Variants in HDHD5 observed in about 807,000 individuals in gnomAD.
HDHD5 encodes the protein haloacid dehalogenase like hydrolase domain containing 5, also known as haloacid dehalogenase-like hydrolase domain-containing 5.
Under a neutral mutation model 35.5 loss-of-function variants are expected in HDHD5, and 34 were observed. The observed-to-expected ratio is 0.96, with a 90% confidence interval of 0.73 to 1.28. The LOEUF (loss-of-function observed/expected upper bound fraction) is 1.28. Among genes scored for constraint, HDHD5 ranks in the 50% most tolerant of loss-of-function variants. HDHD5 has a pLI of 0.00. For missense variants in HDHD5, 589 were observed against 560.2 expected (o/e 1.05, Z -0.52); for synonymous variants, 248 against 240.6 (o/e 1.03, Z -0.29).
At chr22:17,152,023 T>A (rs1461658254) in intron 1 of HDHD5, among the ~76,000 whole-genome samples, 1 of 152,122 alleles carries the variant, frequency 6.6e-6, no homozygotes, top group Non-Finnish European at 1.5e-5. Flanking sequence ...CCAGACTAGA[T>A]GAGTGGTTCC....
Position 17,138,726 on chromosome 22 carries a change from G to A in HDHD5, c.759C>T (p.Gly253=). ...AEAKMPRFGH[G]TFLLCLETIY... ...TGGTTTCCAGGCACAGCAGAAAGGT[G>A]CCATGTCCAAACCTGCCAGAAACGA... The change falls in exon 7 of 8, where the codon GGC becomes GGT. Residue 253 remains glycine, a synonymous_variant. Coordinates refer to ENST00000336737, the MANE Select transcript of HDHD5 (RefSeq NM_033070.3). 2 of 1,614,190 alleles carry A rather than the reference G, an allele frequency of 1.2e-6. No individual in the cohort carries two copies. Among genetic ancestry groups the A allele is most frequent in the Non-Finnish European group, 1.7e-6 (2 of 1,180,038 alleles).
rs200356314 is a variant in HDHD5, at chr22:17,138,133, C to G, written c.1160G>C (p.Gly387Ala). Residue 387 changes from glycine (G) to alanine (A), a missense_variant, in exon 8 of 8, where the codon GGG becomes GCG. Coordinates refer to ENST00000336737, the MANE Select transcript of HDHD5 (RefSeq NM_033070.3). ...VLGGGEPPFH[G>A]HRDLCFSPGL... ...TGGACTGAAGCATAAGTCTCGGTGC[C>G]CGTGGAATGGAGGCTCCCCTCCTCC... The G allele has an allele frequency of 6.2e-7, 1 of 1,614,170 alleles. No homozygotes were observed. Among genetic ancestry groups the G allele is most frequent in the South Asian group, 1.1e-5 (1 of 91,070 alleles).
rs574418631 is a variant in HDHD5, at chr22:17,165,035, T to C, written c.36+174A>G. ...CTCTCTCTTTCTATCTCTCTCCATC[T>C]CTCTCATCACACACATACACACTCA... On this transcript the variant is annotated intron_variant, in intron 1 of 7. Transcript: ENST00000155674. Among the ~76,000 whole-genome samples the C allele has an allele frequency of 1.7e-3, 255 of 152,262 alleles. 1 individual carries two copies. Among genetic ancestry groups the C allele is most frequent in the African/African-American group, 6.0e-3 (249 of 41,550 alleles).
rs763073241 is a variant in HDHD5, at chr22:17,149,639, T to G, written c.233A>C (p.Gln78Pro). ...LKAFRRLVNSQGQLRVPVVFV... is the reference protein window; with the variant it reads ...LKAFRRLVNSPGQLRVPVVFV... Reference sequence around the variant, plus strand: ...AACCACGGGCACCCGCAGCTGCCCCTGGGAGTTCACCAGCCTTCGGAAGGC... The same window carrying G: ...AACCACGGGCACCCGCAGCTGCCCCGGGGAGTTCACCAGCCTTCGGAAGGC... The change falls in exon 2 of 8, where the codon CAG becomes CCG. Residue 78 changes from glutamine (Q) to proline (P), a missense_variant. Coordinates refer to ENST00000336737, the MANE Select transcript of HDHD5 (RefSeq NM_033070.3). The G allele has an allele frequency of 1.2e-6, 2 of 1,613,740 alleles. No homozygotes were observed. The highest frequency in any genetic ancestry group is 1.1e-5 in the South Asian group (1 of 91,064).
chr22:17,139,687 C>A (rs2061578093), intron 6 of HDHD5, among the ~76,000 whole-genome samples: 1 of 152,088 alleles, frequency 6.6e-6, no homozygotes, highest in South Asian at 2.1e-4. Flanking sequence ...GATTCTCCTG[C>A]CTCAGCCTCC....
At chr22:17,138,934 C>T (rs759626882) in intron 6 of HDHD5, among the ~76,000 whole-genome samples, 196 bp from the exon 7 acceptor site, 26 of 152,150 alleles carry the variant, frequency 1.7e-4, no homozygotes, top group East Asian at 3.9e-4. Context: ...TATGAGATGA[C>T]GCTATTTGTA....
At chr22:17,165,156 G>C (rs2061884118) in intron 1 of HDHD5, 1 of 754,334 alleles carries the variant, frequency 1.3e-6, no homozygotes, top group Admixed American at 1.8e-5. Flanking sequence ...TGGGACTTCT[G>C]TTAATAATAC....
At chr22:17,157,464 C>A (rs1310493250) in intron 1 of HDHD5, among the ~76,000 whole-genome samples, 2 of 151,914 alleles carry the variant, frequency 1.3e-5, no homozygotes, top group Admixed American at 1.3e-4. Flanking sequence ...ATGTAAATTG[C>A]CTTAAGTGAA....
At chr22:17,159,298 C>G (rs1344805189), upstream of HDHD5, 28 of 1,224,366 alleles carry the variant, frequency 2.3e-5, no homozygotes, top group East Asian at 1.7e-4. Context: ...CCCCCCCCCC[C>G]GCGAGTCCGT....
At chr22:17,147,730 C>G (rs1452436092) in intron 3 of HDHD5, among the ~76,000 whole-genome samples, 1 of 148,128 alleles carries the variant, frequency 6.8e-6, no homozygotes, top group Non-Finnish European at 1.5e-5. Context: ...GTGGCGCCCT[C>G]CTGTGAGCTT....
At chr22:17,149,432 G>C (rs1003442679) in intron 2 of HDHD5, 110 bp downstream of exon 2, 1 of 986,120 alleles carries the variant, frequency 1.0e-6, no homozygotes, top group African/African-American at 1.6e-5. Flanking sequence ...CCATGACCTA[G>C]GACTAGGTGA....
chr22:17,145,601 A>G (rs2061653681), intron 3 of HDHD5, among the ~76,000 whole-genome samples: 1 of 152,110 alleles, frequency 6.6e-6, no homozygotes, highest in Non-Finnish European at 1.5e-5. Context: ...CTGGGGCAGG[A>G]GGATCATTTG....
chr22:17,151,611 T>C (rs2123869402), intron 1 of HDHD5, among the ~76,000 whole-genome samples: 1 of 151,434 alleles, frequency 6.6e-6, no homozygotes, highest in African/African-American at 2.4e-5. Context: ...GCGCCTGTCA[T>C]CCCAGCTACT....
chr22:17,159,009 C>CA, intron 1 of HDHD5, 117 bp downstream of exon 1: 1 of 970,952 alleles, frequency 1.0e-6, no homozygotes, highest in Non-Finnish European at 1.3e-6. Context: ...GACGACGGTC[C>CA]AGGCAGTTCC....
At chr22:17,156,489 G>GT (rs2061793217) in intron 1 of HDHD5, among the ~76,000 whole-genome samples, 1 of 151,652 alleles carries the variant, frequency 6.6e-6, no homozygotes, top group South Asian at 2.1e-4. Context: ...GTGCACACCT[G>GT]TAATTTTTTT....
At chr22:17,144,955 G>T in intron 4 of HDHD5, 69 bp downstream of exon 4, 4 of 1,573,464 alleles carry the variant, frequency 2.5e-6, no homozygotes, top group South Asian at 1.1e-5. Flanking sequence ...CAAGGTCAGC[G>T]ACACAGCCAA....
intron 3 of HDHD5, 84 bp from the exon 4 acceptor site, chr22:17,145,201 A>G (rs2061648067): frequency 1.9e-6 from 3 of 1,575,792 alleles, no homozygotes; most frequent in Non-Finnish European, 2.6e-6. Context: ...TGAAGGGAAC[A>G]CAACCCACTC....
chr22:17,145,738 G>A (rs1486428305), intron 3 of HDHD5, among the ~76,000 whole-genome samples: 1 of 152,070 alleles, frequency 6.6e-6, no homozygotes, highest in Non-Finnish European at 1.5e-5. Context: ...CACATTCAGA[G>A]CCCATCAAAA....
At chr22:17,139,734 G>A (rs1025425851) in intron 6 of HDHD5, among the ~76,000 whole-genome samples, 1 of 151,974 alleles carries the variant, frequency 6.6e-6, no homozygotes, top group Non-Finnish European at 1.5e-5. Context: ...CACCATGCCC[G>A]GCTAATTTTT....
Sources: gnomAD v4.1 joint callset for allele counts (sites outside exome capture counted in the v4.1 genomes callset) on GRCh38, gnomAD v4.1.1 for gene constraint, MANE v1.5 for transcripts, NCBI Gene and HGNC (gene_info 2026-07-23, HGNC 2026-07-21) for gene names.